CNOT10: variants seen among roughly 807,000 people sequenced by gnomAD.
The protein encoded by CNOT10 is CCR4-NOT transcription complex subunit 10.
Under a neutral mutation model 94.6 loss-of-function variants are expected in CNOT10, and 30 were observed. The ratio of observed to expected loss-of-function variants is 0.32; its 90% CI spans 0.24 to 0.43. The LOEUF (loss-of-function observed/expected upper bound fraction) is 0.43, where lower values mean the gene tolerates loss of function less well. CNOT10 is among the 20% of genes least tolerant of loss of function. The probability of loss-of-function intolerance (pLI) is 1.00; values close to 1 mark genes in which losing one functional copy is unlikely to be tolerated. For missense variants in CNOT10, 759 were observed against 877.2 expected, an observed-to-expected ratio of 0.87 and a Z score of 1.70; for synonymous variants, 289 against 301.6, an observed-to-expected ratio of 0.96 and a Z score of 0.43.
intron 4 of CNOT10, among the ~76,000 whole-genome samples, chr3:32,710,267 C>G (rs1697823708): frequency 6.9e-6 from 1 of 144,572 alleles, no homozygotes; most frequent in Admixed American, 6.9e-5. Context: ...ATTCATTTTT[C>G]TTTTATGGCT....
At chr3:32,731,438 A>G (rs1698949384) in intron 10 of CNOT10, among the ~76,000 whole-genome samples, 1 of 152,090 alleles carries the variant, frequency 6.6e-6, no homozygotes, top group Non-Finnish European at 1.5e-5. Flanking sequence ...TAAGATAACT[A>G]CTTGGGATTC....
At chr3:32,756,516 A>C (rs1700230485) in intron 13 of CNOT10, among the ~76,000 whole-genome samples, 1 of 152,108 alleles carries the variant, frequency 6.6e-6, no homozygotes, top group Non-Finnish European at 1.5e-5. Context: ...TTTCCCAGCA[A>C]GCCTGCCTGA....
At chr3:32,705,572 G>T (rs1483664096) in intron 3 of CNOT10, among the ~76,000 whole-genome samples, 1 of 152,126 alleles carries the variant, frequency 6.6e-6, no homozygotes, top group Non-Finnish European at 1.5e-5. Context: ...CTTCTCAGTA[G>T]CCCTATGAAA....
chr3:32,686,953 G>A (rs1251041051), intron 1 of CNOT10, among the ~76,000 whole-genome samples: 1 of 151,726 alleles, frequency 6.6e-6, no homozygotes, highest in Non-Finnish European at 1.5e-5. Context: ...GTCTGTTGGA[G>A]GAGACAGGCA....
intron 3 of CNOT10, among the ~76,000 whole-genome samples, chr3:32,707,885 A>G (rs1191703846): frequency 6.6e-6 from 1 of 152,070 alleles, no homozygotes; most frequent in Non-Finnish European, 1.5e-5. Context: ...GTAAATAGTT[A>G]ACTATTTTTG....
intron 1 of CNOT10, among the ~76,000 whole-genome samples, chr3:32,690,997 C>CTT (rs35755920): frequency 0.18 from 22,873 of 128,776 alleles, 2,765 homozygotes; most frequent in South Asian, 0.25. Flanking sequence ...CTAGCTATGA[C>CTT]TTTTTTTTTT....
rs932411489 is a variant in CNOT10 at position 32,699,090 on chromosome 3, A to G, written c.23-4778A>G. Reference sequence around the variant, plus strand: ...TGTGAGCCACCACACCTGGCCAACAACTGGTTCTTTGAGATGCTCCTGTTG... The same window carrying G: ...TGTGAGCCACCACACCTGGCCAACAGCTGGTTCTTTGAGATGCTCCTGTTG... On this transcript the variant is annotated intron_variant, in intron 1 of 18. Coordinates refer to ENST00000328834, the MANE Select transcript of CNOT10 (RefSeq NM_015442.3). Among the ~76,000 whole-genome samples, 15 of 152,192 alleles carry G rather than the reference A, an allele frequency of 9.9e-5. 1 individual carries two copies.
At chr3:32,736,844 T>C (rs1223151833) in intron 12 of CNOT10, among the ~76,000 whole-genome samples, 1 of 152,114 alleles carries the variant, frequency 6.6e-6, no homozygotes, top group Non-Finnish European at 1.5e-5. Flanking sequence ...AAATATTCAG[T>C]TATTTCCCTT....
At chr3:32,723,685 A>G (rs1698524041) in intron 8 of CNOT10, among the ~76,000 whole-genome samples, 1 of 152,188 alleles carries the variant, frequency 6.6e-6, no homozygotes, top group Admixed American at 6.5e-5. Context: ...GAAACAAATG[A>G]CAAACAGAGG....
At chr3:32,753,212 A>T (rs764618809) in intron 13 of CNOT10, 94 of 705,378 alleles carry the variant, frequency 1.3e-4, no homozygotes, top group Non-Finnish European at 2.1e-4. Flanking sequence ...AGAAATTTTT[A>T]CAGAAGGACA....
Position 32,716,330 on chromosome 3 carries a change from G to A in CNOT10, c.660+19G>A, listed in dbSNP as rs1350577144. On this transcript the variant is annotated intron_variant, in intron 6 of 18. Coordinates refer to ENST00000328834, the MANE Select transcript of CNOT10 (RefSeq NM_015442.3). ...ACATCAGGTAGTATAAATTTTAAAG[G>A]GGGGCAATACATCACATATATTTAA... The A allele has an allele frequency of 8.1e-7, 1 of 1,242,036 alleles. No individual in the cohort carries two copies. Among genetic ancestry groups the A allele is most frequent in the Non-Finnish European group, 1.2e-6 (1 of 854,224 alleles). The allele number at this position is 1,242,036 out of a possible 1,614,324, so 76.9% of individuals were successfully genotyped here.
At chr3:32,739,133 T>C (rs1699333731) in intron 13 of CNOT10, among the ~76,000 whole-genome samples, 1 of 152,098 alleles carries the variant, frequency 6.6e-6, no homozygotes, top group Non-Finnish European at 1.5e-5. Flanking sequence ...CTCGAACTCC[T>C]GACCTCAGGT....
chr3:32,716,365 T>A, intron 6 of CNOT10, 54 bp downstream of exon 6: 1 of 885,318 alleles, frequency 1.1e-6, no homozygotes, highest in Non-Finnish European at 1.8e-6. Context: ...ATTGTAGTTA[T>A]GACAAATGAA....
chr3:32,697,813 A>G (rs77861518), intron 1 of CNOT10, among the ~76,000 whole-genome samples: 9,310 of 152,280 alleles, frequency 0.061, 329 homozygotes, highest in African/African-American at 0.09. Flanking sequence ...AAAACTCAAT[A>G]GCAAACTAAG....
Position 32,734,982 on chromosome 3 carries a change from C to G in CNOT10, c.1514+6C>G, listed in dbSNP as rs751006234. On this transcript the variant is annotated splice_donor_region_variant and intron_variant, in intron 12 of 18. Coordinates refer to ENST00000328834, the MANE Select transcript of CNOT10 (RefSeq NM_015442.3). ...GAAAGCAGTGAAACTTGCAGGTATT[C>G]TAATCCTTGTGACCTCCTTTGGCAA... is the stretch of plus-strand genomic sequence containing the variant. 1.8e-5 allele frequency: 29 copies of G among 1,606,842 alleles called. No homozygotes were observed.
intron 13 of CNOT10, among the ~76,000 whole-genome samples, chr3:32,737,808 A>G (rs1699260098): frequency 6.6e-6 from 1 of 151,990 alleles, no homozygotes; most frequent in Non-Finnish European, 1.5e-5. Context: ...TCTGTCTCAA[A>G]AAAAAAAAGA....
chr3:32,744,320 C>A (rs978357637), intron 13 of CNOT10, among the ~76,000 whole-genome samples: 1 of 152,176 alleles, frequency 6.6e-6, no homozygotes, highest in Non-Finnish European at 1.5e-5. Context: ...TCATATTTGA[C>A]CCCTTGTGTT....
intron 14 of CNOT10, among the ~76,000 whole-genome samples, chr3:32,761,785 T>C (rs1700458076): frequency 1.4e-5 from 2 of 147,824 alleles, no homozygotes; most frequent in African/African-American, 5.0e-5. Context: ...CCACCGCACC[T>C]GGCTACTTTT....
chr3:32,694,737 G>A (rs1017807322), intron 1 of CNOT10, among the ~76,000 whole-genome samples: 4 of 151,896 alleles, frequency 2.6e-5, no homozygotes, highest in African/African-American at 4.8e-5. Context: ...TTATAGGTGC[G>A]CACCACCACG....
Sources: allele counts gnomAD v4.1 joint callset (sites outside exome capture counted in the v4.1 genomes callset), GRCh38; gene constraint gnomAD v4.1.1; transcripts MANE v1.5; gene names NCBI Gene and HGNC (gene_info 2026-07-23, HGNC 2026-07-21).